Variants in SGCZ observed in about 807,000 individuals in gnomAD.
SGCZ encodes the protein sarcoglycan zeta, also known as zeta-sarcoglycan.
In SGCZ, 40 loss-of-function variants were observed where a neutral mutation model predicts 41.3. That is an observed-to-expected ratio of 0.97 (90% CI 0.75 to 1.26). SGCZ has a LOEUF of 1.26. Among genes scored for constraint, SGCZ ranks in the 50% most tolerant of loss-of-function variants. The probability of loss-of-function intolerance (pLI) is 0.00; values close to 1 mark genes in which losing one functional copy is unlikely to be tolerated. For missense variants in SGCZ, 552 were observed against 369.8 expected (o/e 1.49, Z -4.04); for synonymous variants, 206 against 137.5 (o/e 1.50, Z -3.49).
At chr8:14,272,915 G>C (rs963563261) in intron 3 of SGCZ, among the ~76,000 whole-genome samples, 2 of 151,994 alleles carry the variant, frequency 1.3e-5, no homozygotes, top group African/African-American at 4.8e-5. Context: ...CTCTTAGATG[G>C]AGATGATAAA....
chr8:14,348,441 C>T (rs1802967971), intron 2 of SGCZ, among the ~76,000 whole-genome samples: 1 of 152,096 alleles, frequency 6.6e-6, no homozygotes, highest in Non-Finnish European at 1.5e-5. Context: ...TGTCCACAAA[C>T]TCAGTAGACA....
chr8:14,379,264 A>G (rs1804264918), intron 2 of SGCZ, among the ~76,000 whole-genome samples: 1 of 152,220 alleles, frequency 6.6e-6, no homozygotes, highest in Non-Finnish European at 1.5e-5. Flanking sequence ...AAGTAACGAT[A>G]AAAATTCAAC....
intron 1 of SGCZ, among the ~76,000 whole-genome samples, chr8:14,819,911 C>G (rs1802022213): frequency 6.6e-6 from 1 of 151,792 alleles, no homozygotes; most frequent in Non-Finnish European, 1.5e-5. Flanking sequence ...CCACAGAAAA[C>G]CACCAAACTA....
intron 1 of SGCZ, among the ~76,000 whole-genome samples, chr8:15,132,836 G>C (rs952958274): frequency 6.6e-6 from 1 of 152,124 alleles, no homozygotes; most frequent in Non-Finnish European, 1.5e-5. Flanking sequence ...CCTTCATAAA[G>C]TTCTAGCAAA....
intron 2 of SGCZ, among the ~76,000 whole-genome samples, chr8:14,337,647 A>G (rs970238938): frequency 1.3e-5 from 2 of 152,180 alleles, no homozygotes; most frequent in Non-Finnish European, 2.9e-5. Flanking sequence ...TGGAATGAAC[A>G]TACTGGGTAG....
intron 1 of SGCZ, among the ~76,000 whole-genome samples, chr8:14,826,964 T>C (rs1464764187): frequency 6.6e-6 from 1 of 152,126 alleles, no homozygotes; most frequent in Admixed American, 6.5e-5. Flanking sequence ...CAATTTTGGC[T>C]TTTGTTGCCA....
At chr8:14,249,024 T>C (rs1799198479) in intron 3 of SGCZ, among the ~76,000 whole-genome samples, 1 of 152,226 alleles carries the variant, frequency 6.6e-6, no homozygotes, top group Non-Finnish European at 1.5e-5. Flanking sequence ...TTTGTGTCAG[T>C]TAGACTGGAG....
At chr8:14,155,183 A>T (rs955014568) in intron 5 of SGCZ, among the ~76,000 whole-genome samples, 4 of 152,086 alleles carry the variant, frequency 2.6e-5, no homozygotes, top group Non-Finnish European at 5.9e-5. Flanking sequence ...CAGTTTCTCA[A>T]TTTTTCCTTG....
intron 1 of SGCZ, among the ~76,000 whole-genome samples, chr8:14,645,504 C>CAT (rs1563175720): frequency 9.6e-6 from 1 of 104,430 alleles, no homozygotes; most frequent in African/African-American, 3.7e-5. Context: ...ATATATATGG[C>CAT]ACATATATGC....
chr8:15,071,066 T>G (rs535964909), intron 1 of SGCZ, among the ~76,000 whole-genome samples: 120 of 152,188 alleles, frequency 7.9e-4, no homozygotes, highest in Non-Finnish European at 1.5e-3. Context: ...AATGCTGTTT[T>G]ATTTTTCAAG....
At chr8:14,853,861 A>G (rs532710990) in intron 1 of SGCZ, among the ~76,000 whole-genome samples, 1 of 151,684 alleles carries the variant, frequency 6.6e-6, no homozygotes, top group African/African-American at 2.4e-5. Context: ...CCAATATCCA[A>G]TGCTTTCACA....
At chr8:14,091,564 T>A (rs541413943) in intron 7 of SGCZ, among the ~76,000 whole-genome samples, 1 of 152,306 alleles carries the variant, frequency 6.6e-6, no homozygotes, top group South Asian at 2.1e-4. Context: ...TATGCATTTC[T>A]CTAATGACCA....
chr8:14,295,524 G>C (rs1005202133), intron 3 of SGCZ, among the ~76,000 whole-genome samples: 16 of 152,028 alleles, frequency 1.1e-4, no homozygotes, highest in African/African-American at 2.9e-4. Context: ...TTTTAAAATA[G>C]TAGTTAAGGG....
intron 1 of SGCZ, among the ~76,000 whole-genome samples, chr8:14,790,869 A>G (rs891195112): frequency 4.6e-5 from 7 of 151,962 alleles, no homozygotes; most frequent in Admixed American, 1.3e-4. Flanking sequence ...GGTCTCTACT[A>G]AAAATACAAA....
chr8:14,405,542 A>G (rs1799189823), intron 2 of SGCZ, among the ~76,000 whole-genome samples: 1 of 152,192 alleles, frequency 6.6e-6, no homozygotes, highest in East Asian at 1.9e-4. Flanking sequence ...TTTGCATTTA[A>G]TATAGCCTTA....
At chr8:14,569,928 A>T (rs1563122063) in intron 1 of SGCZ, among the ~76,000 whole-genome samples, 1 of 148,478 alleles carries the variant, frequency 6.7e-6, no homozygotes, top group South Asian at 2.1e-4. Context: ...GAGGACCAGA[A>T]TCTCATGGGG....
At chr8:14,463,158 T>A (rs776552057) in intron 2 of SGCZ, among the ~76,000 whole-genome samples, 17 of 151,682 alleles carry the variant, frequency 1.1e-4, no homozygotes, top group Non-Finnish European at 1.5e-4. Context: ...CCTTTCCAAT[T>A]TGTCATTTAT....
intron 1 of SGCZ, among the ~76,000 whole-genome samples, chr8:15,008,679 G>T (rs1191764249): frequency 2.1e-5 from 2 of 93,624 alleles, no homozygotes; most frequent in African/African-American, 9.0e-5. Flanking sequence ...GGAGGAGATG[G>T]GAAGAGAGGG....
At chr8:14,480,898 A>G (rs1801517529) in intron 2 of SGCZ, among the ~76,000 whole-genome samples, 2 of 152,202 alleles carry the variant, frequency 1.3e-5, no homozygotes, top group South Asian at 2.1e-4. Context: ...CCTGAACTTA[A>G]AAGTTTGAAA....
Sources: allele counts gnomAD v4.1 joint callset (sites outside exome capture counted in the v4.1 genomes callset), GRCh38; gene constraint gnomAD v4.1.1; transcripts MANE v1.5; gene names NCBI Gene and HGNC (gene_info 2026-07-23, HGNC 2026-07-21).